Variants in BOD1L1 observed in about 807,000 individuals in gnomAD.
BOD1L1 encodes biorientation of chromosomes in cell division 1 like 1.
BOD1L1 carries 86 observed loss-of-function variants against 240.7 expected under a neutral mutation model. The ratio of observed to expected loss-of-function variants is 0.36; its 90% CI spans 0.30 to 0.43. The LOEUF is 0.43. Ranked by LOEUF, BOD1L1 falls within the 20% of genes least tolerant of loss-of-function variation. The pLI is 1.00. For synonymous variants in BOD1L1, 1,268 were observed against 1,272.3 expected (o/e 1.00, Z 0.07); for missense variants, 3,554 against 3,643.5 (o/e 0.98, Z 0.63).
chr4:13,573,058 C>T (rs377744193), intron 25 of BOD1L1, among the ~76,000 whole-genome samples: 71 of 152,068 alleles, frequency 4.7e-4, no homozygotes, highest in African/African-American at 1.6e-3. Context: ...TCTTACTGTG[C>T]ATGATATTTT....
rs1275487839 is a variant in BOD1L1, at chr4:13,627,543, C to T, written c.45G>A (p.Pro15=). Residue 15 remains proline, a synonymous_variant, in exon 1 of 26, where the codon CCG becomes CCA. Coordinates refer to ENST00000040738, the MANE Select transcript of BOD1L1 (RefSeq NM_148894.3). ...PQPQPPPPAP[P]PPPPQPQPQP... is the part of the protein sequence containing the mutation. ...GCGGCTGCGGCTGCGGCGGGGGAGG[C>T]GGCGGCGCCGGAGGAGGCGGCTGCG... 7 of 1,130,354 alleles carry T rather than the reference C, an allele frequency of 6.2e-6. No individual in the cohort carries two copies. The highest frequency in any genetic ancestry group is 4.3e-6 in the Non-Finnish European group (4 of 922,780). 70.0% of individuals were successfully genotyped at this position (1,130,354 alleles called of 1,614,324 possible). A position where few individuals can be genotyped will look rare whatever the true frequency, so the allele number is the denominator to read the frequency against.
intron 17 of BOD1L1, among the ~76,000 whole-genome samples, chr4:13,585,515 G>A (rs1700437782): frequency 6.6e-6 from 1 of 152,038 alleles, no homozygotes; most frequent in Non-Finnish European, 1.5e-5. Context: ...CCTACAACAA[G>A]AGACGGCAGA....
At chr4:13,609,195 C>A in intron 7 of BOD1L1, 100 bp downstream of exon 7, 1 of 615,194 alleles carries the variant, frequency 1.6e-6, no homozygotes, top group Non-Finnish European at 2.4e-6. Flanking sequence ...GAGACTAGAT[C>A]ATTTTATTTT....
chr4:13,569,294 G>C lies in BOD1L1; in HGVS notation c.*717C>G, dbSNP rs891548087. The C allele has an allele frequency of 7.9e-5, 12 of 152,142 alleles. No individual in the cohort carries two copies. Among genetic ancestry groups the C allele is most frequent in the Admixed American group, 2.6e-4 (4 of 15,278 alleles). 9.4% of individuals were successfully genotyped at this position (152,142 alleles called of 1,614,324 possible). A position where few individuals can be genotyped will look rare whatever the true frequency, so the allele number is the denominator to read the frequency against. ...GAACCTGTTTTGTGTCAACGTGGCT[G>C]GTAGTAAAGTCACAGATGCAAGTAT... On this transcript the variant is annotated 3_prime_UTR_variant, in exon 26 of 26. Coordinates refer to ENST00000040738, the MANE Select transcript of BOD1L1 (RefSeq NM_148894.3).
At chr4:13,624,289 C>G (rs972001037) in intron 1 of BOD1L1, 2 of 151,994 alleles carry the variant, frequency 1.3e-5, no homozygotes, top group African/African-American at 4.8e-5. Context: ...TCAACCATAG[C>G]TGAGTGTTCT....
At chr4:13,612,910 C>G (rs934029761) in intron 5 of BOD1L1, among the ~76,000 whole-genome samples, 3 of 152,150 alleles carry the variant, frequency 2.0e-5, no homozygotes, top group Admixed American at 6.5e-5. Flanking sequence ...GGTGAACTTC[C>G]CTGGTTGGCA....
At position 13,591,862 on chromosome 4, in the gene BOD1L1, C is replaced by A. The variant is rs1373938739; in HGVS notation, c.8148+61G>T. On this transcript the variant is annotated intron_variant, in intron 13 of 25. Transcript: ENST00000040738. ...AGATGGCTCCTCCTCAATAGCTCTC[C>A]AAAAAAATAAAATTAAAAAACCCAA... 2.2e-6 allele frequency: 3 copies of A among 1,362,502 alleles called. No homozygotes were observed. The African/African-American group carries it at 4.5e-5, about 20-fold the overall frequency. The allele number at this position is 1,362,502 out of a possible 1,614,324, so 84.4% of individuals were successfully genotyped here.
rs114408551 is a variant in BOD1L1 at position 13,611,616 on chromosome 4, C to G, written c.1325-516G>C. On this transcript the variant is annotated intron_variant, in intron 5 of 25. Transcript: ENST00000040738. ...TTTAAATTCTGTTTTACTATTTAGA[C>G]TGGGCTTCAGTTTGCCTTTGTAGGA... 1.1e-3 allele frequency among the ~76,000 whole-genome samples: 161 copies of G among 152,338 alleles called. 1 individual carries two copies. The highest frequency in any genetic ancestry group is 1.5e-3 in the Non-Finnish European group (104 of 68,036).
chr4:13,615,878 G>A (rs1358485750), intron 2 of BOD1L1, among the ~76,000 whole-genome samples: 1 of 151,690 alleles, frequency 6.6e-6, no homozygotes, highest in African/African-American at 2.4e-5. Context: ...CTGAGTTCTG[G>A]GTATAAAATA....
intron 17 of BOD1L1, among the ~76,000 whole-genome samples, chr4:13,584,933 G>A (rs944644309): frequency 2.6e-5 from 4 of 152,170 alleles, no homozygotes; most frequent in African/African-American, 7.2e-5. Flanking sequence ...TGCTATTGCA[G>A]ACAGCTTTCC....
intron 6 of BOD1L1, among the ~76,000 whole-genome samples, chr4:13,610,031 G>A (rs1034289626): frequency 6.6e-6 from 1 of 152,160 alleles, no homozygotes. Flanking sequence ...CAAAAGATAA[G>A]CCTGAAGGGA....
At chr4:13,573,200 A>C (rs1348227283) in intron 25 of BOD1L1, among the ~76,000 whole-genome samples, 1 of 152,210 alleles carries the variant, frequency 6.6e-6, no homozygotes, top group African/African-American at 2.4e-5. Context: ...CACAAGGCTA[A>C]GTGTTAAGGC....
rs376799497 is a variant in BOD1L1 at position 13,627,421 on chromosome 4, A to G, written c.167T>C (p.Met56Thr). 8.7e-6 allele frequency: 12 copies of G among 1,375,840 alleles called. No individual in the cohort carries two copies. The highest frequency in any genetic ancestry group is 1.1e-5 in the Non-Finnish European group (12 of 1,050,222). The allele number at this position is 1,375,840 out of a possible 1,614,324, so 85.2% of individuals were successfully genotyped here. The part of the protein sequence containing the change: ...AGAGDPQLVA[M>T]IVNHLKSQGL... ...CTGGCTCTTGAGGTGGTTCACGATC[A>G]TGGCCACGAGCTGCGGGTCCCCGGC... The change falls in exon 1 of 26, where the codon ATG becomes ACG. Residue 56 changes from methionine (M) to threonine (T), a missense_variant. This residue lies in a region of BOD1L1 where 161 missense variants were observed against 216.4 expected (regional missense o/e 0.74). Transcript: ENST00000040738.
intron 25 of BOD1L1, among the ~76,000 whole-genome samples, chr4:13,576,065 G>A (rs1010499876): frequency 2.6e-5 from 4 of 151,882 alleles, no homozygotes. Context: ...ACCATGCCTG[G>A]CTGATTTTTG....
In BOD1L1 at chr4:13,602,540, T is replaced by C. The variant is rs1444134977; in HGVS notation, c.4360A>G (p.Thr1454Ala). The change falls in exon 10 of 26, where the codon ACT becomes GCT. Residue 1454 changes from threonine (T) to alanine (A), a missense_variant. Thr to Ala is a moderately conservative substitution (Grantham distance 58). Coordinates refer to ENST00000040738, the MANE Select transcript of BOD1L1 (RefSeq NM_148894.3). ...CTTCTTTTATGCTTAAGTTTGACAGTTTCAGCATATTTTTCTGTATTCAGG... is the reference window on the plus strand; with the variant it reads ...CTTCTTTTATGCTTAAGTTTGACAGCTTCAGCATATTTTTCTGTATTCAGG... Reference protein sequence around the residue: ...VGLNTEKYAETVKLKHKRSPG... With the variant: ...VGLNTEKYAEAVKLKHKRSPG... The C allele has an allele frequency of 2.5e-6, 4 of 1,614,018 alleles. No individual in the cohort carries two copies. In the South Asian group the frequency reaches 4.4e-5, roughly 18 times the overall value.
At position 13,588,657 on chromosome 4, in the gene BOD1L1, C is replaced by G; in HGVS notation, c.8280+65G>C. 4 of 1,221,158 alleles carry G rather than the reference C, an allele frequency of 3.3e-6. No individual in the cohort carries two copies. In the South Asian group the frequency reaches 5.7e-5, roughly 17 times the overall value. The allele number at this position is 1,221,158 out of a possible 1,614,324, so 75.6% of individuals were successfully genotyped here. A position where few individuals can be genotyped will look rare whatever the true frequency, so the allele number is the denominator to read the frequency against. ...AAAGAAATAAAGCCTTTCTAAAGCCCTTCTTTGTGTACAGTGAAAATATTA... is the reference window on the plus strand; with the variant it reads ...AAAGAAATAAAGCCTTTCTAAAGCCGTTCTTTGTGTACAGTGAAAATATTA... On this transcript the variant is annotated intron_variant, in intron 15 of 25. Transcript: ENST00000040738.
rs769227097 is a variant in BOD1L1 at position 13,600,160 on chromosome 4, A to G, written c.6740T>C (p.Met2247Thr). 3.3e-5 allele frequency: 53 copies of G among 1,613,812 alleles called. No individual in the cohort carries two copies. The South Asian group carries it at 5.3e-4, about 16-fold the overall frequency. ...ESENERAGTV[M>T]EEKDGSGIIS... is the part of the protein sequence containing the mutation. The stretch of plus-strand genomic sequence containing the variant: ...GATGCCACTCCCGTCTTTTTCTTCC[A>G]TGACTGTGCCAGCTCGCTCATTTTC... The change falls in exon 10 of 26, where the codon ATG (methionine) becomes ACG (threonine). Residue 2247 changes from methionine (M) to threonine (T), a missense_variant. Around this residue, in one of 2 missense-constraint regions of BOD1L1, gnomAD observed 3,393 missense variants for 3,427.1 expected, o/e 0.99. Coordinates refer to ENST00000040738, the MANE Select transcript of BOD1L1 (RefSeq NM_148894.3).
Position 13,586,474 on chromosome 4 carries a change from A to G in BOD1L1, c.8355T>C (p.Asp2785=), listed in dbSNP as rs1415946209. The stretch of plus-strand genomic sequence containing the variant: ...TGGAATCCAGGACATCTGGATTATC[A>G]TCTGTAAATCAGTTTAGACAGAATC... ...QHYLSSEDEP[D]DNPDVLDSRI... is the part of the protein sequence containing the mutation. Residue 2785 remains aspartate (D), a splice_region_variant and synonymous_variant, in exon 17 of 26, where the codon GAT becomes GAC. Transcript: ENST00000040738. 5.6e-6 allele frequency: 9 copies of G among 1,599,796 alleles called. No individual in the cohort carries two copies. The highest frequency in any genetic ancestry group is 7.7e-6 in the Non-Finnish European group (9 of 1,168,848).
intron 22 of BOD1L1, chr4:13,577,857 GCTGACC>G (rs1712894760): frequency 2.7e-6 from 1 of 371,492 alleles, no homozygotes; most frequent in Non-Finnish European, 4.8e-6. Context: ...ATTTAAATTT[GCTGACC>G]CTCAGTTTTT....
Sources: allele counts gnomAD v4.1 joint callset (sites outside exome capture counted in the v4.1 genomes callset), GRCh38; gene constraint gnomAD v4.1.1; regional missense constraint gnomAD v4.1.1; transcripts MANE v1.5; gene names NCBI Gene and HGNC (gene_info 2026-07-23, HGNC 2026-07-21).